PRKCA: variants seen among roughly 807,000 people sequenced by gnomAD.
PRKCA encodes the protein protein kinase C alpha.
In PRKCA, 27 loss-of-function variants were observed where a neutral mutation model predicts 87.0. The observed-to-expected ratio is 0.31, with a 90% CI of 0.23 to 0.43. PRKCA has a LOEUF of 0.43. PRKCA is among the 20% of genes least tolerant of loss of function. The probability of loss-of-function intolerance (pLI) is 1.00; values close to 1 mark genes in which losing one functional copy is unlikely to be tolerated. For synonymous variants in PRKCA, 329 were observed against 311.1 expected (o/e 1.06, Z -0.61); for missense variants, 518 against 852.3 (o/e 0.61, Z 4.88).
At chr17:66,629,920 G>A (rs1203285075) in intron 3 of PRKCA, among the ~76,000 whole-genome samples, 1 of 152,116 alleles carries the variant, frequency 6.6e-6, no homozygotes, top group Non-Finnish European at 1.5e-5. Flanking sequence ...TTGGGCCAGT[G>A]TCCATTTCTG....
chr17:66,663,265 G>A (rs1213907656), intron 5 of PRKCA, among the ~76,000 whole-genome samples: 1 of 152,184 alleles, frequency 6.6e-6, no homozygotes, highest in Non-Finnish European at 1.5e-5. Flanking sequence ...ACTGGACGTC[G>A]TCTCTTAGGG....
intron 2 of PRKCA, among the ~76,000 whole-genome samples, chr17:66,494,938 A>G (rs1817035262): frequency 6.6e-6 from 1 of 151,976 alleles, no homozygotes; most frequent in African/African-American, 2.4e-5. Context: ...CCGTGTCTCT[A>G]CAAAAATGTA....
intron 16 of PRKCA, among the ~76,000 whole-genome samples, chr17:66,790,067 G>A (rs1347873457): frequency 1.3e-5 from 2 of 152,168 alleles, no homozygotes; most frequent in Non-Finnish European, 2.9e-5. Flanking sequence ...CAGAAGCATC[G>A]CCCTGTTGGT....
chr17:66,566,512 TTCCCC>T (rs1968904959), intron 3 of PRKCA, among the ~76,000 whole-genome samples: 1 of 149,126 alleles, frequency 6.7e-6, no homozygotes, highest in South Asian at 2.1e-4. Context: ...TGCAACAGCT[TTCCCC>T]ACTTTGGGAA....
At chr17:66,710,090 A>T (rs1973286276) in intron 8 of PRKCA, among the ~76,000 whole-genome samples, 1 of 152,190 alleles carries the variant, frequency 6.6e-6, no homozygotes. Context: ...CAGACATGGA[A>T]ATGCCACAAG....
intron 3 of PRKCA, among the ~76,000 whole-genome samples, chr17:66,591,227 G>A (rs574163056): frequency 6.6e-5 from 10 of 152,172 alleles, no homozygotes; most frequent in Non-Finnish European, 1.2e-4. Context: ...ATCAGGGCTC[G>A]CTGTAGCCTT....
intron 3 of PRKCA, among the ~76,000 whole-genome samples, chr17:66,543,940 T>G (rs1005546226): frequency 6.6e-6 from 1 of 152,180 alleles, no homozygotes; most frequent in Non-Finnish European, 1.5e-5. Context: ...GGCTGGGTGC[T>G]GTGGCTCACG....
intron 2 of PRKCA, among the ~76,000 whole-genome samples, chr17:66,428,788 G>A (rs994359259): frequency 2.6e-5 from 4 of 152,098 alleles, no homozygotes; most frequent in African/African-American, 7.2e-5. Flanking sequence ...ATAGGTGTGA[G>A]CCACCGCGCC....
At chr17:66,797,377 G>T (rs1260316457) in intron 16 of PRKCA, among the ~76,000 whole-genome samples, 1 of 152,216 alleles carries the variant, frequency 6.6e-6, no homozygotes, top group Non-Finnish European at 1.5e-5. Flanking sequence ...TGACCAAATG[G>T]GTAGGAATAT....
intron 5 of PRKCA, among the ~76,000 whole-genome samples, chr17:66,660,126 A>G (rs1971852571): frequency 6.6e-6 from 1 of 152,118 alleles, no homozygotes; most frequent in South Asian, 2.1e-4. Flanking sequence ...CAACAAAAAA[A>G]AAAACAATGT....
At chr17:66,666,392 G>T (rs1972043649) in intron 5 of PRKCA, among the ~76,000 whole-genome samples, 1 of 152,196 alleles carries the variant, frequency 6.6e-6, no homozygotes, top group Non-Finnish European at 1.5e-5. Context: ...TTGGACCTGT[G>T]TCATAGGCTC....
At chr17:66,357,164 G>A (rs1029604847) in intron 2 of PRKCA, among the ~76,000 whole-genome samples, 2 of 152,176 alleles carry the variant, frequency 1.3e-5, no homozygotes, top group African/African-American at 4.8e-5. Context: ...TCTCTCAAAT[G>A]TGCTTCATGG....
intron 2 of PRKCA, among the ~76,000 whole-genome samples, chr17:66,437,750 G>C (rs1598670738): frequency 8.7e-6 from 1 of 115,076 alleles, no homozygotes; most frequent in African/African-American, 3.2e-5. Context: ...GGTGGGTGGG[G>C]CGGGGGCGGC....
chr17:66,761,326 C>T lies in PRKCA; in HGVS notation c.1525-12661C>T, dbSNP rs1299567483. Reference sequence around the variant, plus strand: ...CAGAGGTTGCAGTGAGCCAAGATCACGCCACTGCACTCCAGCCTGGTGACA... The same window carrying T: ...CAGAGGTTGCAGTGAGCCAAGATCATGCCACTGCACTCCAGCCTGGTGACA... On this transcript the variant is annotated intron_variant, in intron 13 of 16. Coordinates refer to ENST00000413366, the MANE Select transcript of PRKCA (RefSeq NM_002737.3). 2.7e-4 allele frequency among the ~76,000 whole-genome samples: 41 copies of T among 149,274 alleles called. 1 individual carries two copies. In the East Asian group the frequency reaches 6.5e-3, roughly 24 times the overall value.
intron 2 of PRKCA, among the ~76,000 whole-genome samples, chr17:66,487,719 G>T (rs1916046313): frequency 6.6e-6 from 1 of 152,152 alleles, no homozygotes; most frequent in African/African-American, 2.4e-5. Context: ...CATTCTAACT[G>T]TGGTGGGATG....
intron 3 of PRKCA, among the ~76,000 whole-genome samples, chr17:66,542,210 G>T (rs1968009551): frequency 6.6e-6 from 1 of 152,178 alleles, no homozygotes. Flanking sequence ...GTATTAGATG[G>T]TGATTAAAAT....
chr17:66,609,792 A>T (rs1970300359), intron 3 of PRKCA, among the ~76,000 whole-genome samples: 1 of 148,982 alleles, frequency 6.7e-6, no homozygotes, highest in African/African-American at 2.4e-5. Flanking sequence ...GCTTTATTTT[A>T]TTTTTTTTTT....
chr17:66,441,877 A>G (rs1026711889), intron 2 of PRKCA, among the ~76,000 whole-genome samples: 3 of 152,142 alleles, frequency 2.0e-5, no homozygotes, highest in African/African-American at 7.2e-5. Context: ...TGATGGTCCC[A>G]GAGATGTTTA....
intron 3 of PRKCA, among the ~76,000 whole-genome samples, chr17:66,566,712 C>G (rs1400131173): frequency 6.6e-6 from 1 of 151,834 alleles, no homozygotes; most frequent in Non-Finnish European, 1.5e-5. Context: ...AAAGAGCCAC[C>G]CTCAAATTTA....
Sources: allele counts gnomAD v4.1 joint callset (sites outside exome capture counted in the v4.1 genomes callset), GRCh38; gene constraint gnomAD v4.1.1; transcripts MANE v1.5; gene names NCBI Gene and HGNC (gene_info 2026-07-23, HGNC 2026-07-21).